The following TEX36 variants were observed in gnomAD, a reference collection of about 807,000 sequenced individuals.
TEX36 encodes testis-expressed protein 36.
Under a neutral mutation model 13.6 loss-of-function variants are expected in TEX36, and 12 were observed. The ratio of observed to expected loss-of-function variants is 0.88; its 90% confidence interval spans 0.56 to 1.43. The LOEUF is 1.43. TEX36 is among the 40% of genes most tolerant of loss of function. TEX36 has a pLI of 0.00. For synonymous variants in TEX36, 93 were observed against 83.0 expected (o/e 1.12, Z -0.65); for missense variants, 224 against 228.3 (o/e 0.98, Z 0.12).
chr10:125,667,345 G>T (rs1311792308), intron 1 of TEX36: 7 of 644,800 alleles, frequency 1.1e-5, no homozygotes, highest in Non-Finnish European at 1.8e-5. Flanking sequence ...TCACACACTG[G>T]CAGTGCTTCA....
intron 3 of TEX36, among the ~76,000 whole-genome samples, chr10:125,605,933 G>A (rs1846210544): frequency 6.6e-6 from 1 of 152,104 alleles, no homozygotes; most frequent in South Asian, 2.1e-4. Context: ...CTAGTTACAG[G>A]GAATCTATTC....
downstream of TEX36, among the ~76,000 whole-genome samples, chr10:125,620,996 T>C (rs1425484495): frequency 1.3e-5 from 2 of 152,224 alleles, no homozygotes; most frequent in Non-Finnish European, 2.9e-5. Flanking sequence ...TTCCATTGTA[T>C]GGATAGACCA....
At chr10:125,604,121 T>G (rs866307463) in intron 3 of TEX36, among the ~76,000 whole-genome samples, 1 of 152,044 alleles carries the variant, frequency 6.6e-6, no homozygotes, top group African/African-American at 2.4e-5. Context: ...TCCCATAAAA[T>G]GTGACCAGAG....
intron 3 of TEX36, among the ~76,000 whole-genome samples, chr10:125,613,217 CT>C (rs71029263): frequency 0.26 from 30,571 of 116,642 alleles, 3,742 homozygotes; most frequent in African/African-American, 0.31. Flanking sequence ...TCCCCACTTC[CT>C]TTTTTTTTTT....
rs117162755 is a variant in TEX36, at chr10:125,606,592, G to C, written c.265-29718C>G. ...TGCTGTGCTGTAGCTTATCAGATCA[G>C]GGGGTGGAAGTCAGCAGGGACCAGA... On this transcript the variant is annotated intron_variant, in intron 3 of 3. Coordinates refer to the TEX36 transcript ENST00000532135. 1.4e-4 allele frequency among the ~76,000 whole-genome samples: 22 copies of C among 152,286 alleles called. No homozygotes were observed. The South Asian group carries it at 4.4e-3, about 30-fold the overall frequency.
intron 3 of TEX36, among the ~76,000 whole-genome samples, chr10:125,597,211 AG>A (rs1846090540): frequency 6.6e-6 from 1 of 152,158 alleles, no homozygotes; most frequent in Non-Finnish European, 1.5e-5. Flanking sequence ...TTTGCACCTG[AG>A]GCTTGGACTT....
intron 3 of TEX36, among the ~76,000 whole-genome samples, chr10:125,626,071 A>G (rs986501513): frequency 1.3e-5 from 2 of 152,234 alleles, no homozygotes; most frequent in East Asian, 1.9e-4. Flanking sequence ...GATAAAGGTC[A>G]GGCCATCTTA....
intron 1 of TEX36, chr10:125,667,907 T>G: frequency 1.4e-6 from 2 of 1,412,492 alleles, no homozygotes; most frequent in Non-Finnish European, 2.0e-6. Flanking sequence ...GTCAGACAGC[T>G]CCTTCTTCTG....
intron 1 of TEX36, among the ~76,000 whole-genome samples, chr10:125,680,234 G>C (rs965608780): frequency 6.6e-6 from 1 of 152,142 alleles, no homozygotes; most frequent in African/African-American, 2.4e-5. Flanking sequence ...CTCGGAAGTT[G>C]TGGAAAATCA....
chr10:125,682,691 A>G (rs1441377498), intron 1 of TEX36, among the ~76,000 whole-genome samples: 2 of 152,242 alleles, frequency 1.3e-5, no homozygotes, highest in East Asian at 1.9e-4. Flanking sequence ...TAGAGCAGGA[A>G]TGACTGCTTA....
chr10:125,679,517 G>A (rs1847363025), intron 1 of TEX36, among the ~76,000 whole-genome samples: 1 of 152,168 alleles, frequency 6.6e-6, no homozygotes, highest in Non-Finnish European at 1.5e-5. Context: ...TAGTTTCAGG[G>A]AGAGAAGGGT....
intron 3 of TEX36, among the ~76,000 whole-genome samples, chr10:125,622,441 C>T (rs947623821): frequency 1.3e-5 from 2 of 152,194 alleles, no homozygotes; most frequent in Non-Finnish European, 2.9e-5. Context: ...CAACTGGTCA[C>T]GTGGTCATAG....
At chr10:125,621,894 C>A (rs1289992907) in intron 3 of TEX36, among the ~76,000 whole-genome samples, 4 of 152,204 alleles carry the variant, frequency 2.6e-5, no homozygotes, top group Non-Finnish European at 5.9e-5. Flanking sequence ...ATCATCCCAA[C>A]TCCCTCCACC....
intron 3 of TEX36, among the ~76,000 whole-genome samples, chr10:125,647,884 G>A (rs1846795523): frequency 6.6e-6 from 1 of 152,192 alleles, no homozygotes; most frequent in East Asian, 1.9e-4. Context: ...AGGGTCCCAC[G>A]CCCACAGAGC....
At chr10:125,596,106 G>T (rs1262502058) in intron 3 of TEX36, among the ~76,000 whole-genome samples, 2 of 152,204 alleles carry the variant, frequency 1.3e-5, no homozygotes, top group African/African-American at 4.8e-5. Flanking sequence ...ATGCAAGGAT[G>T]GTTTAACATG....
intron 3 of TEX36, among the ~76,000 whole-genome samples, chr10:125,634,199 A>G (rs372106521): frequency 6.6e-6 from 1 of 152,110 alleles, no homozygotes; most frequent in East Asian, 1.9e-4. Flanking sequence ...TTAATCTTGC[A>G]TAGTGCTTGA....
chr10:125,606,174 G>T (rs1408726392), intron 3 of TEX36, among the ~76,000 whole-genome samples: 1 of 152,290 alleles, frequency 6.6e-6, no homozygotes, highest in East Asian at 1.9e-4. Flanking sequence ...AAGAGAAATT[G>T]ACAGTCCTTC....
chr10:125,596,978 T>C (rs575238891), intron 3 of TEX36, among the ~76,000 whole-genome samples: 1 of 152,176 alleles, frequency 6.6e-6, no homozygotes, highest in Non-Finnish European at 1.5e-5. Context: ...CAAAAAGCCA[T>C]TATGGGATGA....
rs541137950 is a variant in TEX36 at position 125,674,920 on chromosome 10, G to A, written c.51+8019C>T. Among the ~76,000 whole-genome samples the A allele has an allele frequency of 6.6e-5, 10 of 152,384 alleles. No homozygotes were observed. In the South Asian group the frequency reaches 8.3e-4, roughly 13 times the overall value. ...CATGGGAACCAGGGCCCTGCTTAAC[G>A]AAGCACTCTGGCTGCCCCTTGGCAA... On this transcript the variant is annotated intron_variant, in intron 1 of 3. Transcript: ENST00000368821.
Sources: gnomAD v4.1 joint callset for allele counts (sites outside exome capture counted in the v4.1 genomes callset) on GRCh38, gnomAD v4.1.1 for gene constraint, MANE v1.5 for transcripts, NCBI Gene and HGNC (gene_info 2026-07-23, HGNC 2026-07-21) for gene names.